Variants in TAF3 observed in about 807,000 individuals in gnomAD.
TAF3 encodes transcription initiation factor TFIID subunit 3.
TAF3 carries 7 observed loss-of-function variants against 80.6 expected under a neutral mutation model. That is an observed-to-expected ratio of 0.09 (90% CI 0.05 to 0.16). The LOEUF (loss-of-function observed/expected upper bound fraction) is 0.16. Among genes scored for constraint, TAF3 ranks in the 10% least tolerant of loss-of-function variants. The pLI is 1.00. For missense variants in TAF3, 921 were observed against 1,140.2 expected, an observed-to-expected ratio of 0.81 and a Z score of 2.77; for synonymous variants, 444 against 446.1, an observed-to-expected ratio of 1.00 and a Z score of 0.06.
chr10:7,831,118 A>G (rs1173929123), intron 2 of TAF3, among the ~76,000 whole-genome samples: 2 of 152,190 alleles, frequency 1.3e-5, no homozygotes, highest in African/African-American at 2.4e-5. Context: ...TTCATTCTTT[A>G]GTTGAAATAA....
chr10:7,886,042 C>T (rs554006970), intron 2 of TAF3, among the ~76,000 whole-genome samples: 10 of 152,220 alleles, frequency 6.6e-5, no homozygotes, highest in African/African-American at 9.6e-5. Context: ...GATCCTCCTG[C>T]GTCAGCCTCC....
intron 2 of TAF3, among the ~76,000 whole-genome samples, chr10:7,900,325 G>T (rs1837546283): frequency 2.0e-5 from 3 of 152,170 alleles, no homozygotes; most frequent in Admixed American, 2.0e-4. Flanking sequence ...TACTTTTAAT[G>T]GAGGCATTTG....
At chr10:7,961,979 A>T (rs1015140336) in intron 2 of TAF3, among the ~76,000 whole-genome samples, 1 of 151,926 alleles carries the variant, frequency 6.6e-6, no homozygotes. Context: ...TCTCCCAGGT[A>T]GCTGGGACTA....
intron 4 of TAF3, among the ~76,000 whole-genome samples, chr10:7,983,198 C>T (rs1308091432): frequency 6.6e-6 from 1 of 152,198 alleles, no homozygotes; most frequent in Non-Finnish European, 1.5e-5. Flanking sequence ...AGCCCCGCTT[C>T]CCGGGCCTCC....
intron 2 of TAF3, among the ~76,000 whole-genome samples, chr10:7,852,150 T>C (rs1334570393): frequency 6.6e-6 from 1 of 152,098 alleles, no homozygotes; most frequent in Non-Finnish European, 1.5e-5. Context: ...AGTGGTGTGA[T>C]CATAGCTCAC....
Position 7,935,763 on chromosome 10 carries a change from G to A in TAF3, c.410-28157G>A, listed in dbSNP as rs1837913442. Among the ~76,000 whole-genome samples, 4 of 152,046 alleles carry A rather than the reference G, an allele frequency of 2.6e-5. No individual in the cohort carries two copies. The South Asian group carries it at 8.3e-4, about 32-fold the overall frequency. ...CTGGGGAAGCACATTCCAAAGAGAG[G>A]AAGCGCAGATTCCAGGCCTTGAGGC... On this transcript the variant is annotated intron_variant, in intron 2 of 6. Coordinates refer to ENST00000344293, the MANE Select transcript of TAF3 (RefSeq NM_031923.4).
intron 2 of TAF3, among the ~76,000 whole-genome samples, chr10:7,844,958 T>A (rs1351210959): frequency 5.9e-5 from 9 of 152,220 alleles, no homozygotes. Context: ...TCTTTGCACA[T>A]GTTTTTCTTT....
chr10:8,009,337 A>G lies in TAF3; in HGVS notation c.2568+7A>G, dbSNP rs766362080. ...GACGGTCAGCACCTACGTGGTGCGT[A>G]CCTGCCGCCCGCGCGGTTAGCATGG... On this transcript the variant is annotated splice_region_variant and intron_variant, in intron 5 of 6. Coordinates refer to ENST00000344293, the MANE Select transcript of TAF3 (RefSeq NM_031923.4). This position sits in a 1 kb window ranked among gnomAD's most constrained non-coding sequence, Gnocchi z 4.1. 7 of 1,589,502 alleles carry G rather than the reference A, an allele frequency of 4.4e-6. No homozygotes were observed. The highest frequency in any genetic ancestry group is 6.0e-6 in the Non-Finnish European group (7 of 1,168,370).
intron 4 of TAF3, 110 bp from the exon 5 acceptor site, chr10:8,008,968 A>G (rs1832023886): frequency 2.1e-6 from 3 of 1,423,328 alleles, no homozygotes; most frequent in Non-Finnish European, 2.9e-6. Flanking sequence ...CTAGACGTTG[A>G]AGTATTTCGC....
rs189556165 is a variant in TAF3, at chr10:7,897,142, A to T, written c.410-66778A>T. ...CTGCACTTAAAAGGTTCACGTGAAG[A>T]GATCAGGCCCGCTTGGCAAGTCTCG... is the stretch of plus-strand genomic sequence containing the variant. On this transcript the variant is annotated intron_variant, in intron 2 of 6. Coordinates refer to ENST00000344293, the MANE Select transcript of TAF3 (RefSeq NM_031923.4). 1.9e-3 allele frequency among the ~76,000 whole-genome samples: 291 copies of T among 152,296 alleles called. 1 individual carries two copies. Among genetic ancestry groups the T allele is most frequent in the Admixed American group, 3.6e-3 (55 of 15,296 alleles).
At chr10:7,957,794 GCTCTCTCTCT>G (rs376837630) in intron 2 of TAF3, among the ~76,000 whole-genome samples, 2 of 130,670 alleles carry the variant, frequency 1.5e-5, no homozygotes, top group African/African-American at 2.9e-5. Flanking sequence ...TCTCTAGCGC[GCTCTCTCTCT>G]CTCTCTCTCT....
chr10:7,860,739 A>G (rs532362358), intron 2 of TAF3, among the ~76,000 whole-genome samples: 3 of 151,738 alleles, frequency 2.0e-5, no homozygotes, highest in Admixed American at 6.6e-5. Context: ...ATTATTGTCC[A>G]TATTGGAGTC....
At chr10:7,917,534 T>A (rs1407904256) in intron 2 of TAF3, among the ~76,000 whole-genome samples, 1 of 152,186 alleles carries the variant, frequency 6.6e-6, no homozygotes, top group Non-Finnish European at 1.5e-5. Context: ...TGATATGGAA[T>A]GGACTTGGGA....
At chr10:7,830,444 C>T (rs1323363040) in intron 2 of TAF3, among the ~76,000 whole-genome samples, 1 of 147,174 alleles carries the variant, frequency 6.8e-6, no homozygotes. Context: ...ATGTTCTTCA[C>T]ACATGCACAC....
chr10:7,957,777 C>G (rs1838149683), intron 2 of TAF3, among the ~76,000 whole-genome samples: 1 of 141,356 alleles, frequency 7.1e-6, no homozygotes, highest in African/African-American at 2.6e-5. Flanking sequence ...CTGTCTGTCT[C>G]ACGCTCTCTC....
intron 2 of TAF3, among the ~76,000 whole-genome samples, chr10:7,904,302 C>G (rs1265681717): frequency 6.6e-6 from 1 of 152,186 alleles, no homozygotes; most frequent in Non-Finnish European, 1.5e-5. Flanking sequence ...TGAGCCCTCC[C>G]TAACCAAGCA....
At chr10:7,977,143 T>A (rs954829498) in intron 3 of TAF3, 98 bp from the exon 4 acceptor site, 3 of 1,193,764 alleles carry the variant, frequency 2.5e-6, no homozygotes, top group Non-Finnish European at 3.7e-6. Flanking sequence ...AGGCTTCAAC[T>A]TTTTAACTCA....
chr10:7,823,238 G>T (rs566207909), intron 1 of TAF3, among the ~76,000 whole-genome samples: 2 of 152,008 alleles, frequency 1.3e-5, no homozygotes, highest in African/African-American at 2.4e-5. Flanking sequence ...CTATGTGCCA[G>T]CCACTGTTTA....
intron 2 of TAF3, among the ~76,000 whole-genome samples, chr10:7,864,151 C>A (rs1306462890): frequency 6.6e-6 from 1 of 152,026 alleles, no homozygotes; most frequent in Non-Finnish European, 1.5e-5. Flanking sequence ...TGTGTTTTGA[C>A]AAATGTGTAA....
Sources: gnomAD v4.1 joint callset for allele counts (sites outside exome capture counted in the v4.1 genomes callset) on GRCh38, gnomAD v4.1.1 for gene constraint, Gnocchi (gnomAD v3.1) non-coding constraint, MANE v1.5 for transcripts, NCBI Gene and HGNC (gene_info 2026-07-23, HGNC 2026-07-21) for gene names.